FAM186A: variants seen among roughly 807,000 people sequenced by gnomAD.
The protein encoded by FAM186A is protein FAM186A.
FAM186A carries 163 observed loss-of-function variants against 216.8 expected under a neutral mutation model. The observed-to-expected ratio is 0.75, with a 90% CI of 0.66 to 0.86. The LOEUF is 0.86. FAM186A is among the 40% of genes least tolerant of loss of function. The pLI, the probability that FAM186A is intolerant of heterozygous loss-of-function variation, is 0.00. For missense variants in FAM186A, 2,184 were observed against 2,746.2 expected, an observed-to-expected ratio of 0.80 and a Z score of 4.58; for synonymous variants, 805 against 1,025.3, an observed-to-expected ratio of 0.79 and a Z score of 4.10.
At position 50,373,787 on chromosome 12, in the gene FAM186A, C is replaced by A. The variant is rs944836438; in HGVS notation, c.193-10423G>T. Among the ~76,000 whole-genome samples, 5 of 152,080 alleles carry A rather than the reference C, an allele frequency of 3.3e-5. No individual in the cohort carries two copies. In the South Asian group the frequency reaches 6.2e-4, roughly 19 times the overall value. On this transcript the variant is annotated intron_variant, in intron 1 of 7. Coordinates refer to ENST00000327337, the MANE Select transcript of FAM186A (RefSeq NM_001145475.3). Reference sequence around the variant, plus strand: ...AACTAGAAATACCATTTGACCCAGCCATCCCATTACTGGGTATATACCCAA... The same window carrying A: ...AACTAGAAATACCATTTGACCCAGCAATCCCATTACTGGGTATATACCCAA...
rs1942957176 is a variant in FAM186A at position 50,354,973 on chromosome 12, T to C, written c.1859A>G (p.Lys620Arg). ...HHISSGTITS[K>R]EEKTEEKEEL... ...TTCCTTCTCTTCAGTTTTTTCTTCT[T>C]TGCTTGTGATAGTTCCTGAAGAGAT... The change falls in exon 4 of 8, where the codon AAA (lysine) becomes AGA (arginine). Residue 620 changes from lysine to arginine, a missense_variant. By Grantham distance (26) the Lys-to-Arg change is conservative. This residue lies in a region of FAM186A where 1,132 missense variants were observed against 1,263.4 expected (regional missense o/e 0.90). Transcript: ENST00000327337. The C allele has an allele frequency of 3.9e-6, 6 of 1,549,636 alleles. No individual in the cohort carries two copies. The highest frequency in any genetic ancestry group is 5.2e-6 in the Non-Finnish European group (6 of 1,146,654).
chr12:50,346,251 A>AAGAAAGAAAGAAAGAAAGAAAGAC, intron 4 of FAM186A, among the ~76,000 whole-genome samples: 1 of 150,184 alleles, frequency 6.7e-6, no homozygotes, highest in Non-Finnish European at 1.5e-5. Flanking sequence ...GAAAGAAAGA[A>AAGAAAGAAAGAAAGAAAGAAAGAC]AGAAAGAAAG....
At chr12:50,390,832 C>T (rs1456585660) in intron 1 of FAM186A, among the ~76,000 whole-genome samples, 2 of 151,936 alleles carry the variant, frequency 1.3e-5, no homozygotes, top group African/African-American at 2.4e-5. Context: ...TTTGGGAGGC[C>T]GAGGTAGCCA....
chr12:50,387,010 T>C (rs181488827), intron 1 of FAM186A, among the ~76,000 whole-genome samples: 26 of 152,246 alleles, frequency 1.7e-4, no homozygotes, highest in African/African-American at 5.5e-4. Context: ...AAGACTTCCA[T>C]GATCAGACCA....
At position 50,363,298 on chromosome 12, in the gene FAM186A, C is replaced by A; in HGVS notation, c.259G>T (p.Val87Phe). ...VHRIMTRYTL[V>F]FNSSSERNVS... ...TTCCTTTCAGAGGACGAGTTAAAAA[C>A]AAGAGTATAGCGAGTCATTATCCGA... The change falls in exon 2 of 8, where the codon GTT becomes TTT. Residue 87 changes from valine to phenylalanine, a missense_variant. Physicochemically the swap from Val to Phe is conservative, Grantham distance 50 (BLOSUM62 -1). Coordinates refer to ENST00000327337, the MANE Select transcript of FAM186A (RefSeq NM_001145475.3). 1 of 1,551,450 alleles carries A rather than the reference C, an allele frequency of 6.4e-7. No homozygotes were observed. The highest frequency in any genetic ancestry group is 8.7e-7 in the Non-Finnish European group (1 of 1,146,930).
intron 4 of FAM186A, among the ~76,000 whole-genome samples, chr12:50,337,164 T>G (rs1254764015): frequency 6.6e-6 from 1 of 151,744 alleles, no homozygotes; most frequent in Non-Finnish European, 1.5e-5. Flanking sequence ...CATTTTTCTG[T>G]CTAATTACAC....
chr12:50,360,989 G>T, intron 2 of FAM186A, 63 bp from the exon 3 acceptor site: 1 of 1,288,624 alleles, frequency 7.8e-7, no homozygotes, highest in Non-Finnish European at 1.1e-6. Context: ...AGCTACATAG[G>T]CTTATAATAT....
rs572828458 is a variant in FAM186A, at chr12:50,351,259, G to A, written c.5573C>T (p.Pro1858Leu). Reference sequence around the variant, plus strand: ...GGCTTCAGGAACTAAGGGCTGCCCAGGAGAAAGAGGAGCCCAGAGACTTGG... The same window carrying A: ...GGCTTCAGGAACTAAGGGCTGCCCAAGAGAAAGAGGAGCCCAGAGACTTGG... ...QIPSLWAPLSPGQPLVPEASS... is the reference protein window; with the variant it reads ...QIPSLWAPLSLGQPLVPEASS... Residue 1858 changes from proline (P) to leucine (L), a missense_variant, in exon 4 of 8, where the codon CCT (proline) becomes CTT (leucine). Pro to Leu is a moderately conservative substitution (Grantham distance 98). Around this residue, in one of 7 missense-constraint regions of FAM186A, gnomAD observed 721 missense variants for 816.4 expected, o/e 0.88. Transcript: ENST00000327337. 10 of 1,550,738 alleles carry A rather than the reference G, an allele frequency of 6.4e-6. No homozygotes were observed. The East Asian group carries it at 2.2e-4, about 34-fold the overall frequency.
intron 1 of FAM186A, among the ~76,000 whole-genome samples, chr12:50,395,253 TA>T (rs1252802347): frequency 6.6e-6 from 1 of 151,964 alleles, no homozygotes; most frequent in Admixed American, 6.6e-5. Flanking sequence ...CATGCCTGGC[TA>T]ATTTTTTTAT....
rs1942938257 is a variant in FAM186A at position 50,353,724 on chromosome 12, T to C, written c.3108A>G (p.Leu1036=). ...GCTCCTTTTCATCAGGAAGGTTCTCTAATGTCTTCAGATTCCTCTGAAACT... is the reference window on the plus strand; with the variant it reads ...GCTCCTTTTCATCAGGAAGGTTCTCCAATGTCTTCAGATTCCTCTGAAACT... ...GKEFQRNLKT[L]ENLPDEKEPI... Residue 1036 remains leucine (L), a synonymous_variant, in exon 4 of 8, where the codon TTA becomes TTG. Coordinates refer to ENST00000327337, the MANE Select transcript of FAM186A (RefSeq NM_001145475.3). 2 of 1,548,038 alleles carry C rather than the reference T, an allele frequency of 1.3e-6. No individual in the cohort carries two copies. Among genetic ancestry groups the C allele is most frequent in the African/African-American group, 1.4e-5 (1 of 72,682 alleles).
chr12:50,377,978 C>A (rs1467038963), intron 1 of FAM186A, among the ~76,000 whole-genome samples: 2 of 152,070 alleles, frequency 1.3e-5, no homozygotes, highest in Admixed American at 1.3e-4. Context: ...CTCATCCCAG[C>A]ACTTTGGGCG....
At position 50,396,315 on chromosome 12, in the gene FAM186A, G is replaced by A; in HGVS notation, c.170C>T (p.Ala57Val). ...TACCTCTCTGGCTCGATGGAGCTGTGCGCGCTCAATCCTAGAGATGATATC... is the reference window on the plus strand; with the variant it reads ...TACCTCTCTGGCTCGATGGAGCTGTACGCGCTCAATCCTAGAGATGATATC... ...VKDIISRIER[A>V]QLHRAREDID... The change falls in exon 1 of 8, where the codon GCA (alanine) becomes GTA (valine). Residue 57 changes from alanine to valine, a missense_variant. By Grantham distance (64) the Ala-to-Val change is moderately conservative. Coordinates refer to ENST00000327337, the MANE Select transcript of FAM186A (RefSeq NM_001145475.3). 1 of 1,550,332 alleles carries A rather than the reference G, an allele frequency of 6.5e-7. No homozygotes were observed. Among genetic ancestry groups the A allele is most frequent in the African/African-American group, 1.4e-5 (1 of 73,114 alleles).
intron 1 of FAM186A, among the ~76,000 whole-genome samples, chr12:50,367,104 T>C (rs1183689855): frequency 6.6e-6 from 1 of 152,094 alleles, no homozygotes; most frequent in African/African-American, 2.4e-5. Flanking sequence ...GCCCACAGGT[T>C]ATAATATATT....
intron 3 of FAM186A, among the ~76,000 whole-genome samples, chr12:50,360,374 T>G (rs1273980050): frequency 6.6e-6 from 1 of 150,974 alleles, no homozygotes; most frequent in Non-Finnish European, 1.5e-5. Context: ...GTATGCACAT[T>G]ATACCTCAAT....
intron 1 of FAM186A, among the ~76,000 whole-genome samples, chr12:50,377,942 C>T (rs1036212776): frequency 6.6e-6 from 1 of 151,600 alleles, no homozygotes; most frequent in East Asian, 2.0e-4. Context: ...AATGAAAAGT[C>T]GGCGAGGCGA....
chr12:50,394,269 A>C (rs186041870), intron 1 of FAM186A, among the ~76,000 whole-genome samples: 170 of 152,164 alleles, frequency 1.1e-3, no homozygotes, highest in Non-Finnish European at 2.2e-3. Flanking sequence ...AAAAGAATAT[A>C]TAAAATGGGC....
Position 50,363,315 on chromosome 12 carries a change from A to G in FAM186A, c.242T>C (p.Met81Thr). The change falls in exon 2 of 8, where the codon ATG becomes ACG. Residue 81 changes from methionine to threonine, a missense_variant. Physicochemically the swap from Met to Thr is moderately conservative, Grantham distance 81. Coordinates refer to ENST00000327337, the MANE Select transcript of FAM186A (RefSeq NM_001145475.3). ...GTTAAAAACAAGAGTATAGCGAGTCATTATCCGATGCACATTGTTCATTAT... is the reference window on the plus strand; with the variant it reads ...GTTAAAAACAAGAGTATAGCGAGTCGTTATCCGATGCACATTGTTCATTAT... ...SEIMNNVHRI[M>T]TRYTLVFNSS... The G allele has an allele frequency of 6.4e-7, 1 of 1,551,426 alleles. No individual in the cohort carries two copies. Among genetic ancestry groups the G allele is most frequent in the East Asian group, 2.4e-5 (1 of 40,900 alleles).
chr12:50,360,726 T>A, intron 3 of FAM186A, 30 bp downstream of exon 3: 1 of 1,486,146 alleles, frequency 6.7e-7, no homozygotes, highest in Non-Finnish European at 8.9e-7. Context: ...CTCCATCTAC[T>A]CCAACTCCAA....
intron 4 of FAM186A, among the ~76,000 whole-genome samples, chr12:50,345,656 G>T (rs1395179084): frequency 6.6e-6 from 1 of 152,088 alleles, no homozygotes; most frequent in Non-Finnish European, 1.5e-5. Context: ...TTAGATGATT[G>T]TGGGTATGGG....
Sources: allele counts gnomAD v4.1 joint callset (sites outside exome capture counted in the v4.1 genomes callset), GRCh38; gene constraint gnomAD v4.1.1; regional missense constraint gnomAD v4.1.1; transcripts MANE v1.5; gene names NCBI Gene and HGNC (gene_info 2026-07-23, HGNC 2026-07-21).